Variants in CELF5 observed in about 807,000 individuals in gnomAD.
The protein encoded by CELF5 is CUGBP Elav-like family member 5.
CELF5 carries 6 observed loss-of-function variants against 54.9 expected under a neutral mutation model. The observed-to-expected ratio is 0.11, with a 90% CI of 0.06 to 0.22. The LOEUF (loss-of-function observed/expected upper bound fraction) is 0.22. Ranked by LOEUF, CELF5 falls within the 10% of genes least tolerant of loss-of-function variation. The pLI is 1.00. For synonymous variants in CELF5, 271 were observed against 290.9 expected, an observed-to-expected ratio of 0.93 and a Z score of 0.70; for missense variants, 401 against 678.6, an observed-to-expected ratio of 0.59 and a Z score of 4.54.
In CELF5 at chr19:3,290,217, T is replaced by G; in HGVS notation, c.1187-14T>G. ...TCCTTGGGGGCTTTATGTCTTTCTC[T>G]CCCCCACCTGCAGGTCCCGAGGGCT... On this transcript the variant is annotated splice_polypyrimidine_tract_variant and intron_variant, in intron 10 of 12. Transcript: ENST00000292672. The G allele has an allele frequency of 6.2e-7, 1 of 1,611,738 alleles. No individual in the cohort carries two copies. The highest frequency in any genetic ancestry group is 8.5e-7 in the Non-Finnish European group (1 of 1,178,492).
At chr19:3,290,026 T>C (rs1205531697) in intron 10 of CELF5, among the ~76,000 whole-genome samples, 2 of 151,944 alleles carry the variant, frequency 1.3e-5, no homozygotes, top group Admixed American at 1.3e-4. Context: ...TAGCCCCGTG[T>C]GAGATCGTAC....
At chr19:3,270,612 C>G (rs1020995491) in intron 2 of CELF5, 14 of 147,570 alleles carry the variant, frequency 9.5e-5, no homozygotes, top group Admixed American at 4.7e-4. Flanking sequence ...CCCGGGGCGG[C>G]CGGGCGGGCG....
At chr19:3,290,103 G>T (rs536850487) in intron 10 of CELF5, 128 bp from the exon 11 acceptor site, 151 of 666,136 alleles carry the variant, frequency 2.3e-4, no homozygotes, top group Non-Finnish European at 3.3e-4. Flanking sequence ...CTTCTTTCTG[G>T]GTGTCTGAGG....
chr19:3,285,604 T>C (rs1253341442), intron 9 of CELF5, among the ~76,000 whole-genome samples: 2 of 141,994 alleles, frequency 1.4e-5, no homozygotes, highest in Non-Finnish European at 3.1e-5. Context: ...CCTGTAGCCT[T>C]GGCCCCGCCC....
In CELF5 at chr19:3,284,971, G is replaced by A. The variant is rs765704501; in HGVS notation, c.1102+7G>A. ...GGAGTCCAGCAGTACACAGGTAGGAGGCAGCCCGCGTGCCCGCGCTGGGCC... is the reference window on the plus strand; with the variant it reads ...GGAGTCCAGCAGTACACAGGTAGGAAGCAGCCCGCGTGCCCGCGCTGGGCC... On this transcript the variant is annotated splice_region_variant and intron_variant, in intron 9 of 12. Transcript: ENST00000292672. 8.7e-6 allele frequency: 14 copies of A among 1,606,168 alleles called. No individual in the cohort carries two copies. Among genetic ancestry groups the A allele is most frequent in the Non-Finnish European group, 1.0e-5 (12 of 1,176,790 alleles).
rs1258101838 is a variant in CELF5 at position 3,228,532 on chromosome 19, C to T, written c.259+3534C>T. On this transcript the variant is annotated intron_variant, in intron 1 of 12. Coordinates refer to ENST00000292672, the MANE Select transcript of CELF5 (RefSeq NM_021938.4). The surrounding 1 kb of genome is among the most constrained non-coding windows in gnomAD (Gnocchi z 6.0). The stretch of plus-strand genomic sequence containing the variant: ...GGTCCGCCGCTGCCACTGGGCCCCC[C>T]GTTTATGGTAATCGCATATACATTT... Among the ~76,000 whole-genome samples, 3 of 151,804 alleles carry T rather than the reference C, an allele frequency of 2.0e-5. No individual in the cohort carries two copies. Among genetic ancestry groups the T allele is most frequent in the East Asian group, 1.9e-4 (1 of 5,178 alleles).
chr19:3,295,085 CCG>C (rs968351246), intron 12 of CELF5: 2 of 152,390 alleles, frequency 1.3e-5, no homozygotes, highest in African/African-American at 4.8e-5. Context: ...CTGCTTCCAA[CCG>C]ATCCAGGACT....
intron 2 of CELF5, among the ~76,000 whole-genome samples, chr19:3,272,368 AAG>A (rs1568352513): frequency 0.012 from 1,680 of 145,354 alleles, 20 homozygotes; most frequent in Non-Finnish European, 0.016. Flanking sequence ...AGTCCGTCCC[AAG>A]AAAAAAAAAG....
intron 10 of CELF5, 62 bp downstream of exon 10, chr19:3,286,087 C>A (rs2080244045): frequency 5.1e-6 from 7 of 1,381,816 alleles, no homozygotes; most frequent in Non-Finnish European, 6.7e-6. Context: ...TGTCCACCTG[C>A]AGGCTCCGTG....
At chr19:3,225,793 T>C (rs1277780984) in intron 1 of CELF5, among the ~76,000 whole-genome samples, 6 of 136,608 alleles carry the variant, frequency 4.4e-5, no homozygotes, top group African/African-American at 1.1e-4. Context: ...CGCCTCCACC[T>C]TGGGCTCAAG....
At chr19:3,259,836 T>C (rs1164003499) in intron 2 of CELF5, among the ~76,000 whole-genome samples, 2 of 151,934 alleles carry the variant, frequency 1.3e-5, no homozygotes, top group Non-Finnish European at 2.9e-5. Context: ...CACCCTGCAG[T>C]GCCCAGGATG....
At chr19:3,293,181 C>A in intron 11 of CELF5, 138 bp from the exon 12 acceptor site, 1 of 1,176,918 alleles carries the variant, frequency 8.5e-7, no homozygotes, top group Non-Finnish European at 1.2e-6. Flanking sequence ...TGTCCTCCAC[C>A]ACAAACACCC....
Position 3,282,181 on chromosome 19 carries a change from G to A in CELF5, c.806G>A (p.Gly269Asp). The part of the protein sequence containing the change: ...LSTSGSYLSP[G>D]VAFSPCHIQQ... Reference sequence around the variant, plus strand: ...ACCTCGGGCAGCTACCTGAGTCCCGGCGTGGCCTTCTCACCCTGTCACATC... The same window carrying A: ...ACCTCGGGCAGCTACCTGAGTCCCGACGTGGCCTTCTCACCCTGTCACATC... The change falls in exon 7 of 13, where the codon GGC becomes GAC. Residue 269 changes from glycine (G) to aspartate (D), a missense_variant. This residue lies in a region of CELF5 where 87 missense variants were observed against 190.2 expected (regional missense o/e 0.46). Coordinates refer to ENST00000292672, the MANE Select transcript of CELF5 (RefSeq NM_021938.4). The surrounding 1 kb of genome is among the most constrained non-coding windows in gnomAD (Gnocchi z 5.2). 6.2e-7 allele frequency: 1 copy of A among 1,614,182 alleles called. No individual in the cohort carries two copies.
At chr19:3,226,072 G>C (rs1916890676) in intron 1 of CELF5, among the ~76,000 whole-genome samples, 1 of 151,722 alleles carries the variant, frequency 6.6e-6, no homozygotes. Flanking sequence ...CAGCCTTCCG[G>C]TCAGGTGTTG....
chr19:3,292,096 G>A (rs533996893), intron 11 of CELF5, among the ~76,000 whole-genome samples: 20 of 151,848 alleles, frequency 1.3e-4, no homozygotes, highest in Non-Finnish European at 2.5e-4. Context: ...ACAGGCACCC[G>A]CCATCACGTC....
chr19:3,283,674 G>A (rs1257303967), intron 8 of CELF5, among the ~76,000 whole-genome samples: 4 of 152,006 alleles, frequency 2.6e-5, no homozygotes, highest in Admixed American at 6.6e-5. Flanking sequence ...GGTTCACAGG[G>A]AGTTACCAAA....
chr19:3,273,962 G>A lies in CELF5; in HGVS notation c.394+39G>A, dbSNP rs138536728. ...CGTGGCTGCCAGGCTGGGGGTTGGC[G>A]GAGGAATGGGAGAAGAAGGAAAATC... On this transcript the variant is annotated intron_variant, in intron 3 of 12. Transcript: ENST00000292672. The A allele has an allele frequency of 8.1e-4, 1,283 of 1,586,000 alleles. 11 individuals carry two copies. The African/African-American group carries it at 0.014, about 17-fold the overall frequency.
chr19:3,259,277 C>T lies in CELF5; in HGVS notation c.342+8210C>T, dbSNP rs898263459. Among the ~76,000 whole-genome samples, 3 of 152,066 alleles carry T rather than the reference C, an allele frequency of 2.0e-5. No individual in the cohort carries two copies. The South Asian group carries it at 6.2e-4, about 32-fold the overall frequency. On this transcript the variant is annotated intron_variant, in intron 2 of 12. Transcript: ENST00000292672. Reference sequence around the variant, plus strand: ...GTCTCAACCAGGGTGATCCTGCCCCCGCCCCAGGACACTGGCTGCTGTCTG... The same window carrying T: ...GTCTCAACCAGGGTGATCCTGCCCCTGCCCCAGGACACTGGCTGCTGTCTG...
At chr19:3,254,474 C>T (rs750881529) in intron 2 of CELF5, among the ~76,000 whole-genome samples, 1 of 150,172 alleles carries the variant, frequency 6.7e-6, no homozygotes, top group Non-Finnish European at 1.5e-5. Flanking sequence ...TCTATCCATC[C>T]ACCCACCCAT....
Sources: allele counts gnomAD v4.1 joint callset (sites outside exome capture counted in the v4.1 genomes callset), GRCh38; gene constraint gnomAD v4.1.1; regional missense constraint gnomAD v4.1.1; non-coding constraint Gnocchi (gnomAD v3.1); transcripts MANE v1.5; gene names NCBI Gene and HGNC (gene_info 2026-07-23, HGNC 2026-07-21).